EMID1: variants seen among roughly 807,000 people sequenced by gnomAD.
EMID1 encodes the protein EMI domain-containing protein 1.
EMID1 carries 40 observed loss-of-function variants against 60.6 expected under a neutral mutation model. That is an observed-to-expected ratio of 0.66 (90% CI 0.51 to 0.86). The LOEUF is 0.86. EMID1 is among the 40% of genes least tolerant of loss of function. EMID1 has a pLI of 0.00. For synonymous variants in EMID1, 242 were observed against 231.0 expected (o/e 1.05, Z -0.43); for missense variants, 585 against 597.1 (o/e 0.98, Z 0.21).
chr22:29,224,454 G>A (rs1285961229), intron 3 of EMID1, among the ~76,000 whole-genome samples: 4 of 152,176 alleles, frequency 2.6e-5, no homozygotes, highest in African/African-American at 4.8e-5. Flanking sequence ...CAGGGCGGCT[G>A]GGGAGGGTGA....
Position 29,236,506 on chromosome 22 carries a change from C to T in EMID1, c.1074+2157C>T, listed in dbSNP as rs12170964. Among the ~76,000 whole-genome samples the T allele has an allele frequency of 3.8e-3, 572 of 152,220 alleles. 4 individuals carry two copies. The highest frequency in any genetic ancestry group is 0.013 in the African/African-American group (530 of 41,562). On this transcript the variant is annotated intron_variant, in intron 12 of 14. Coordinates refer to ENST00000334018, the MANE Select transcript of EMID1 (RefSeq NM_133455.4). ...AGGAGTTTGAGACCAGCCTGGCCAA[C>T]ATGGTGAAACCCCGTCTCTACTAAA...
chr22:29,214,260 G>A (rs774490812), intron 1 of EMID1, among the ~76,000 whole-genome samples: 11 of 152,162 alleles, frequency 7.2e-5, no homozygotes, highest in South Asian at 2.1e-4. Context: ...CAGATGCTGC[G>A]GGAGCCAGGG....
At position 29,258,860 on chromosome 22, in the gene EMID1, C is replaced by A. The variant is rs201268969; in HGVS notation, c.1248C>A (p.Thr416=). 8.8e-5 allele frequency: 142 copies of A among 1,613,050 alleles called. No individual in the cohort carries two copies. Among genetic ancestry groups the A allele is most frequent in the Non-Finnish European group, 8.8e-5 (104 of 1,179,784 alleles). ...GSGAGPAGTG[T]PSLLRGKRGG... ...GGGCGGGCCCTGCCGGCACAGGCAC[C>A]CCCAGCCTCCTTCGGGGCAAGAGGG... Residue 416 remains threonine (T), a synonymous_variant, in exon 15 of 15, where the codon ACC becomes ACA. Coordinates refer to ENST00000334018, the MANE Select transcript of EMID1 (RefSeq NM_133455.4).
intron 14 of EMID1, chr22:29,254,544 G>A: frequency 2.2e-6 from 1 of 446,790 alleles, no homozygotes; most frequent in Middle Eastern, 6.5e-4. Flanking sequence ...TATGGGTAGT[G>A]TGGTTTCTAG....
chr22:29,216,318 T>C, intron 3 of EMID1: 1 of 985,368 alleles, frequency 1.0e-6, no homozygotes, highest in South Asian at 4.7e-5. Context: ...TCTCCTCTCC[T>C]CCAGGCACCT....
chr22:29,215,696 T>C (rs1001413345), intron 3 of EMID1, 66 bp downstream of exon 3: 1 of 1,284,794 alleles, frequency 7.8e-7, no homozygotes, highest in Non-Finnish European at 1.1e-6. Context: ...TGCAGGTGCA[T>C]GGAGCCGTGA....
chr22:29,247,681 A>G (rs1439010762), intron 13 of EMID1, among the ~76,000 whole-genome samples: 1 of 152,186 alleles, frequency 6.6e-6, no homozygotes, highest in Non-Finnish European at 1.5e-5. Context: ...CCCAGGGTGG[A>G]GTGCAGTGGT....
chr22:29,214,868 G>A lies in EMID1; in HGVS notation c.102-58G>A. On this transcript the variant is annotated intron_variant, in intron 1 of 14. Transcript: ENST00000334018. ...GGACGTCCTCACCCATCCTCCTGGA[G>A]TCCCCAGCAGGGGACCCTGTGTGGT... 3.1e-6 allele frequency: 4 copies of A among 1,289,222 alleles called. No homozygotes were observed. The East Asian group carries it at 1.0e-4, about 33-fold the overall frequency. 79.9% of individuals were successfully genotyped at this position (1,289,222 alleles called of 1,614,324 possible).
chr22:29,216,153 G>A (rs2040075082), intron 3 of EMID1, among the ~76,000 whole-genome samples: 1 of 152,180 alleles, frequency 6.6e-6, no homozygotes, highest in Non-Finnish European at 1.5e-5. Flanking sequence ...GGGCCCTTGT[G>A]TGCAGAGCAT....
At position 29,214,995 on chromosome 22, in the gene EMID1, A is replaced by T. The variant is rs778998766; in HGVS notation, c.171A>T (p.Arg57=). The change falls in exon 2 of 15, where the codon CGA becomes CGT. Residue 57 remains arginine, a synonymous_variant. Transcript: ENST00000334018. ...CHVQNGTYLQ[R]VLQNCPWPMS... is the part of the protein sequence containing the mutation. ...TGCAGAATGGCACCTACCTTCAGCG[A>T]GTGCTGCAGAACTGCCCCTGGCCCA... is the stretch of plus-strand genomic sequence containing the variant. 2 of 1,553,016 alleles carry T rather than the reference A, an allele frequency of 1.3e-6. No homozygotes were observed. Among genetic ancestry groups the T allele is most frequent in the Non-Finnish European group, 8.7e-7 (1 of 1,146,940 alleles).
intron 3 of EMID1, among the ~76,000 whole-genome samples, chr22:29,224,257 C>T (rs377586947): frequency 6.6e-6 from 1 of 152,222 alleles, no homozygotes; most frequent in East Asian, 1.9e-4. Flanking sequence ...CTGCCAGGCC[C>T]GCGCCTTATT....
chr22:29,255,187 C>CCCCA, intron 14 of EMID1: 1 of 225,786 alleles, frequency 4.4e-6, no homozygotes, highest in East Asian at 1.4e-4. Context: ...GCTGGCAGTG[C>CCCCA]CCTCCCACCC....
intron 13 of EMID1, among the ~76,000 whole-genome samples, chr22:29,253,367 G>A (rs2041592765): frequency 6.6e-6 from 1 of 152,212 alleles, no homozygotes; most frequent in African/African-American, 2.4e-5. Flanking sequence ...CAGATCACCT[G>A]AGGTCAGGAG....
chr22:29,249,604 T>G (rs1485791548), intron 13 of EMID1, among the ~76,000 whole-genome samples: 3 of 147,452 alleles, frequency 2.0e-5, no homozygotes, highest in Non-Finnish European at 3.0e-5. Flanking sequence ...ATTTATTTAT[T>G]TATTTATTTA....
chr22:29,224,189 C>G (rs1312322096), intron 3 of EMID1, among the ~76,000 whole-genome samples: 1 of 152,238 alleles, frequency 6.6e-6, no homozygotes, highest in Non-Finnish European at 1.5e-5. Context: ...AGGGACCCGT[C>G]TGGTTTGAGT....
chr22:29,230,998 C>T, intron 5 of EMID1, 22 bp from the exon 6 acceptor site: 1 of 1,607,320 alleles, frequency 6.2e-7, no homozygotes, highest in Non-Finnish European at 8.5e-7. Flanking sequence ...GGTACCCACC[C>T]CGTCCCTGTC....
chr22:29,244,660 AAG>A (rs375922134), intron 13 of EMID1, among the ~76,000 whole-genome samples: 17 of 151,352 alleles, frequency 1.1e-4, no homozygotes, highest in East Asian at 1.9e-4. Context: ...AAGAAAAGAA[AAG>A]AAAATAGAAA....
intron 3 of EMID1, chr22:29,216,669 C>T (rs989873613): frequency 1.0e-5 from 10 of 985,230 alleles, no homozygotes; most frequent in Middle Eastern, 5.2e-4. Context: ...CTTCACCTCC[C>T]GGGGACCCTC....
At chr22:29,235,415 TTTAG>T (rs1318470669) in intron 12 of EMID1, among the ~76,000 whole-genome samples, 1 of 152,052 alleles carries the variant, frequency 6.6e-6, no homozygotes, top group Non-Finnish European at 1.5e-5. Context: ...AGTTTGACTG[TTTAG>T]TTAATTTATA....
Sources: gnomAD v4.1 joint callset for allele counts (sites outside exome capture counted in the v4.1 genomes callset) on GRCh38, gnomAD v4.1.1 for gene constraint, MANE v1.5 for transcripts, NCBI Gene and HGNC (gene_info 2026-07-23, HGNC 2026-07-21) for gene names.